The following MTA3 variants were observed in gnomAD, a reference collection of about 807,000 sequenced individuals.
The protein encoded by MTA3 is metastasis associated 1 family member 3.
MTA3 carries 34 observed loss-of-function variants against 83.5 expected under a neutral mutation model. The observed-to-expected ratio is 0.41, with a 90% CI of 0.31 to 0.54. The LOEUF (loss-of-function observed/expected upper bound fraction) is 0.54. Among genes scored for constraint, MTA3 ranks in the 20% least tolerant of loss-of-function variants. The probability of loss-of-function intolerance (pLI) is 0.33; values close to 1 mark genes in which losing one functional copy is unlikely to be tolerated. For synonymous variants in MTA3, 303 were observed against 252.7 expected, an observed-to-expected ratio of 1.20 and a Z score of -1.89; for missense variants, 761 against 726.4, an observed-to-expected ratio of 1.05 and a Z score of -0.55.
At chr2:42,706,906 A>G (rs1383013179) in intron 12 of MTA3, among the ~76,000 whole-genome samples, 4 of 152,162 alleles carry the variant, frequency 2.6e-5, no homozygotes, top group Admixed American at 2.6e-4. Context: ...CTTATTGATT[A>G]AAATAAAGGA....
chr2:42,518,523 TA>T (rs530661782), intron 2 of MTA3, among the ~76,000 whole-genome samples: 203 of 152,298 alleles, frequency 1.3e-3, no homozygotes, highest in African/African-American at 4.6e-3. Context: ...TCCAGGAGTC[TA>T]TACTTATAGA....
intron 2 of MTA3, among the ~76,000 whole-genome samples, chr2:42,573,243 T>A (rs112505314): frequency 6.6e-6 from 1 of 152,214 alleles, no homozygotes; most frequent in South Asian, 2.1e-4. Context: ...CTTGTTCAGT[T>A]TTGTCTTGAG....
At chr2:42,721,183 G>A (rs951121464) in intron 15 of MTA3, among the ~76,000 whole-genome samples, 36 of 151,884 alleles carry the variant, frequency 2.4e-4, no homozygotes, top group African/African-American at 8.7e-4. Context: ...ACCAAGATGG[G>A]TAAGACCTTG....
chr2:42,533,787 G>A (rs1192704876), intron 2 of MTA3, among the ~76,000 whole-genome samples: 5 of 145,584 alleles, frequency 3.4e-5, no homozygotes, highest in Admixed American at 2.1e-4. Context: ...AGCTGAGATC[G>A]TGCCACTGCA....
intron 2 of MTA3, among the ~76,000 whole-genome samples, chr2:42,549,403 G>A (rs1330649980): frequency 1.8e-5 from 2 of 109,218 alleles, no homozygotes; most frequent in African/African-American, 3.7e-5. Context: ...TTATATATAC[G>A]TATATAATAT....
chr2:42,638,661 A>AT (rs1687413323), intron 4 of MTA3, among the ~76,000 whole-genome samples: 1 of 151,508 alleles, frequency 6.6e-6, no homozygotes. Flanking sequence ...GCTGGGCACA[A>AT]TTGTTGTCTT....
chr2:42,711,434 AGTC>A (rs758510442), intron 14 of MTA3, among the ~76,000 whole-genome samples: 13 of 152,342 alleles, frequency 8.5e-5, no homozygotes, highest in East Asian at 1.9e-4. Flanking sequence ...ATAAAAGAGC[AGTC>A]GTCTATCTGG....
intron 16 of MTA3, among the ~76,000 whole-genome samples, chr2:42,734,993 GT>G (rs1027541933): frequency 2.7e-4 from 41 of 152,284 alleles, no homozygotes; most frequent in African/African-American, 9.4e-4. Context: ...GATATGAGTA[GT>G]TTACAGACAA....
chr2:42,605,226 A>C (rs1295557079), intron 3 of MTA3, among the ~76,000 whole-genome samples: 9 of 69,102 alleles, frequency 1.3e-4, no homozygotes, highest in African/African-American at 1.7e-4. Context: ...GACCCCCCCC[A>C]CCTCCCTCCC....
intron 8 of MTA3, among the ~76,000 whole-genome samples, chr2:42,665,693 A>T (rs967206384): frequency 2.0e-5 from 3 of 152,188 alleles, no homozygotes; most frequent in Non-Finnish European, 2.9e-5. Flanking sequence ...GACTTTGAAG[A>T]CTAAATAATT....
chr2:42,496,121 CCTT>C (rs1278737684), intron 2 of MTA3, among the ~76,000 whole-genome samples: 1 of 152,156 alleles, frequency 6.6e-6, no homozygotes, highest in Non-Finnish European at 1.5e-5. Flanking sequence ...TCCGTAGAAT[CCTT>C]CTACTGTCTG....
At chr2:42,710,295 G>A (rs1393788540) in intron 14 of MTA3, among the ~76,000 whole-genome samples, 1 of 152,172 alleles carries the variant, frequency 6.6e-6, no homozygotes, top group Non-Finnish European at 1.5e-5. Flanking sequence ...GCTCATGCTT[G>A]TAATCCCAGT....
intron 14 of MTA3, among the ~76,000 whole-genome samples, chr2:42,714,011 G>T (rs1666843242): frequency 6.6e-6 from 1 of 152,124 alleles, no homozygotes; most frequent in Non-Finnish European, 1.5e-5. Flanking sequence ...TAGAAAAACT[G>T]CAATTCACAG....
Position 42,676,627 on chromosome 2 carries a change from A to G in MTA3, c.703-5774A>G, listed in dbSNP as rs1412755594. 2.0e-5 allele frequency among the ~76,000 whole-genome samples: 3 copies of G among 152,128 alleles called. No individual in the cohort carries two copies. The East Asian group carries it at 5.8e-4, about 29-fold the overall frequency. ...CTGAAAATACAAAAATTAGCTGGGC[A>G]TTGTGGCATGCACCTGTAGTCCCAG... On this transcript the variant is annotated intron_variant, in intron 8 of 16. Coordinates refer to ENST00000405094, the MANE Select transcript of MTA3 (RefSeq NM_001330442.2).
intron 2 of MTA3, among the ~76,000 whole-genome samples, chr2:42,515,124 T>C (rs910754953): frequency 6.6e-6 from 1 of 152,148 alleles, no homozygotes; most frequent in East Asian, 1.9e-4. Context: ...AGTGGTGCGA[T>C]CTCGGCTCAC....
chr2:42,546,656 AC>A (rs1676771359), intron 2 of MTA3, among the ~76,000 whole-genome samples: 1 of 152,162 alleles, frequency 6.6e-6, no homozygotes, highest in African/African-American at 2.4e-5. Context: ...TCCTGGTCAA[AC>A]AAAAAAGAAC....
intron 3 of MTA3, among the ~76,000 whole-genome samples, chr2:42,590,102 T>A (rs1390860471): frequency 3.3e-5 from 5 of 152,132 alleles, no homozygotes; most frequent in Non-Finnish European, 7.4e-5. Flanking sequence ...TTAGAATGTC[T>A]TCTTATACAC....
At chr2:42,656,175 C>A in intron 6 of MTA3, 25 bp from the exon 7 acceptor site, 1 of 1,550,726 alleles carries the variant, frequency 6.4e-7, no homozygotes, top group Non-Finnish European at 8.9e-7. Flanking sequence ...AGTAACAAGA[C>A]TCCATTTTAT....
intron 4 of MTA3, among the ~76,000 whole-genome samples, chr2:42,622,284 C>A (rs1685649041): frequency 6.6e-6 from 1 of 152,034 alleles, no homozygotes; most frequent in African/African-American, 2.4e-5. Context: ...CGCGCGCCTG[C>A]AATCGCAGGC....
Sources: allele counts gnomAD v4.1 joint callset (sites outside exome capture counted in the v4.1 genomes callset), GRCh38; gene constraint gnomAD v4.1.1; transcripts MANE v1.5; gene names NCBI Gene and HGNC (gene_info 2026-07-23, HGNC 2026-07-21).